The following ARHGEF4 variants were observed in gnomAD, a reference collection of about 807,000 sequenced individuals.
The protein encoded by ARHGEF4 is APC-stimulated guanine nucleotide exchange factor 1.
A neutral mutation model predicts 162.0 loss-of-function variants in ARHGEF4; 119 were observed. The ratio of observed to expected loss-of-function variants is 0.73; its 90% CI spans 0.63 to 0.86. The LOEUF is 0.86. Among genes scored for constraint, ARHGEF4 ranks in the 40% least tolerant of loss-of-function variants. The probability of loss-of-function intolerance (pLI) is 0.00; values close to 1 mark genes in which losing one functional copy is unlikely to be tolerated. For missense variants in ARHGEF4, 2,488 were observed against 2,456.0 expected, an observed-to-expected ratio of 1.01 and a Z score of -0.28; for synonymous variants, 1,014 against 979.9, an observed-to-expected ratio of 1.03 and a Z score of -0.65.
intron 4 of ARHGEF4, among the ~76,000 whole-genome samples, chr2:130,978,101 A>G (rs1685875652): frequency 6.6e-6 from 1 of 152,230 alleles, no homozygotes; most frequent in South Asian, 2.1e-4. Flanking sequence ...TCAAACAAAT[A>G]CAAGTTTCAA....
chr2:130,891,199 A>G lies in ARHGEF4; in HGVS notation c.40-22787A>G, dbSNP rs925555955. Among the ~76,000 whole-genome samples, 4 of 152,346 alleles carry G rather than the reference A, an allele frequency of 2.6e-5. No homozygotes were observed. In the East Asian group the frequency reaches 5.8e-4, roughly 22 times the overall value. On this transcript the variant is annotated intron_variant, in intron 1 of 13. Transcript: ENST00000409359. ...CTGTCTCTGATACATCCCTGTGACT[A>G]TAGTGACTAGGACAAGATTAAGCAG...
chr2:130,916,406 G>C lies in ARHGEF4; in HGVS notation c.2460G>C (p.Glu820Asp). 3.9e-6 allele frequency: 6 copies of C among 1,529,396 alleles called. No homozygotes were observed. Among genetic ancestry groups the C allele is most frequent in the Non-Finnish European group, 5.3e-6 (6 of 1,141,600 alleles). 94.7% of individuals were successfully genotyped at this position (1,529,396 alleles called of 1,614,324 possible). Reference sequence around the variant, plus strand: ...GAGGGGTCCCGGCCCCGACCACCGAGGGTCGCCGCTGGGGCTCTTCAGGCC... The same window carrying C: ...GAGGGGTCCCGGCCCCGACCACCGACGGTCGCCGCTGGGGCTCTTCAGGCC... ...SPGGVPAPTT[E>D]GRRWGSSGPE... Residue 820 changes from glutamate to aspartate, a missense_variant, in exon 2 of 14, where the codon GAG (glutamate) becomes GAC (aspartate). Glu to Asp is a conservative substitution (Grantham distance 45, BLOSUM62 2). This residue lies in a region of ARHGEF4 where 1,642 missense variants were observed against 1,481.5 expected (regional missense o/e 1.11). Transcript: ENST00000409359.
intron 4 of ARHGEF4, among the ~76,000 whole-genome samples, chr2:130,953,042 T>C (rs1411135936): frequency 5.9e-5 from 9 of 152,020 alleles, no homozygotes; most frequent in Admixed American, 5.9e-4. Context: ...CTTCACAGAA[T>C]TGGAAAAAAT....
chr2:130,964,174 C>T (rs1456227090), intron 4 of ARHGEF4: 1 of 985,158 alleles, frequency 1.0e-6, no homozygotes, highest in African/African-American at 1.7e-5. Flanking sequence ...GTGTGGCGGC[C>T]GCGGAGGCAA....
In ARHGEF4 at chr2:130,836,930, G is replaced by C. The variant is rs1248455180; in HGVS notation, c.-24G>C. On this transcript the variant is annotated 5_prime_UTR_variant, in exon 1 of 14. Coordinates refer to ENST00000409359, the MANE Select transcript of ARHGEF4 (RefSeq NM_001367493.1). ...GCGCGGCTCGTAGTGCTGCGGCCGG[G>C]CTCCGGGCGTCCCGGCGGCCACCAT... 4.1e-6 allele frequency: 5 copies of C among 1,223,912 alleles called. No individual in the cohort carries two copies. Among genetic ancestry groups the C allele is most frequent in the Non-Finnish European group, 5.1e-6 (5 of 982,896 alleles). 75.8% of individuals were successfully genotyped at this position (1,223,912 alleles called of 1,614,324 possible).
intron 5 of ARHGEF4, chr2:131,035,489 T>TGGGGGGGGGGGGGGGGG: frequency 8.8e-6 from 1 of 113,458 alleles, no homozygotes; most frequent in East Asian, 3.2e-4. Flanking sequence ...GAGTGGGGGC[T>TGGGGGGGGGGGGGGGGG]GCGGGGGCGA....
intron 3 of ARHGEF4, among the ~76,000 whole-genome samples, chr2:130,932,496 A>G (rs540607580): frequency 1.9e-4 from 29 of 152,334 alleles, no homozygotes; most frequent in Admixed American, 1.9e-3. Flanking sequence ...GGCATGAGCC[A>G]CCGCGCCTGG....
At chr2:130,953,911 T>G (rs948597862) in intron 4 of ARHGEF4, among the ~76,000 whole-genome samples, 1 of 152,180 alleles carries the variant, frequency 6.6e-6, no homozygotes, top group South Asian at 2.1e-4. Flanking sequence ...CAACAGGTGT[T>G]GGAGAGAATG....
chr2:131,039,717 CTGGTTCAG>C, intron 6 of ARHGEF4: 2 of 1,299,046 alleles, frequency 1.5e-6, no homozygotes, highest in Non-Finnish European at 1.9e-6. Flanking sequence ...GGAGCAGGCA[CTGGTTCAG>C]GAACTGCAGC....
chr2:130,900,878 A>G (rs1459834544), intron 1 of ARHGEF4, among the ~76,000 whole-genome samples: 1 of 152,174 alleles, frequency 6.6e-6, no homozygotes, highest in Admixed American at 6.5e-5. Context: ...TTTGTTGGCT[A>G]CAGTTCTAGT....
chr2:131,005,831 C>A (rs1275434792), intron 4 of ARHGEF4, among the ~76,000 whole-genome samples: 1 of 152,144 alleles, frequency 6.6e-6, no homozygotes, highest in Non-Finnish European at 1.5e-5. Context: ...AGACAGAATT[C>A]TCAGGATGCT....
chr2:130,849,855 TTACCCAGCCTAGGA>T (rs1455322021), intron 1 of ARHGEF4, among the ~76,000 whole-genome samples: 1 of 152,150 alleles, frequency 6.6e-6, no homozygotes, highest in Non-Finnish European at 1.5e-5. Flanking sequence ...TTGAGCCACC[TTACCCAGCCTAGGA>T]TACACTTTTT....
intron 1 of ARHGEF4, among the ~76,000 whole-genome samples, chr2:130,897,441 G>A (rs1025480533): frequency 3.3e-5 from 5 of 151,966 alleles, no homozygotes; most frequent in Admixed American, 6.6e-5. Context: ...GTCTGCCAGC[G>A]GTGAGCACTG....
At chr2:130,843,967 C>T (rs1199422964) in intron 1 of ARHGEF4, among the ~76,000 whole-genome samples, 1 of 152,150 alleles carries the variant, frequency 6.6e-6, no homozygotes, top group Non-Finnish European at 1.5e-5. Context: ...GCACAGCCTG[C>T]CCCACCTCTG....
At chr2:130,875,409 T>C (rs555157546) in intron 1 of ARHGEF4, among the ~76,000 whole-genome samples, 5 of 152,306 alleles carry the variant, frequency 3.3e-5, no homozygotes, top group Admixed American at 6.5e-5. Context: ...TTTTGGTTGA[T>C]GGTTCTGGAG....
At chr2:131,001,362 G>A (rs1687758681) in intron 4 of ARHGEF4, among the ~76,000 whole-genome samples, 1 of 150,000 alleles carries the variant, frequency 6.7e-6, no homozygotes, top group African/African-American at 2.5e-5. Context: ...CGGGAAGACG[G>A]ATAACATAAC....
intron 4 of ARHGEF4, among the ~76,000 whole-genome samples, chr2:130,985,951 T>C (rs4557027): frequency 0.9 from 136,285 of 150,874 alleles, 62,056 homozygotes; most frequent in Non-Finnish European, 0.98. Context: ...TTGAGTGTTG[T>C]GTGTGTGTGG....
At position 130,914,412 on chromosome 2, in the gene ARHGEF4, C is replaced by A; in HGVS notation, c.466C>A (p.Gln156Lys). Residue 156 changes from glutamine (Q) to lysine (K), a missense_variant, in exon 2 of 14, where the codon CAG becomes AAG. Gln to Lys is a moderately conservative substitution (Grantham distance 53, BLOSUM62 1). This residue lies in a region of ARHGEF4 where 81 missense variants were observed against 125.8 expected (regional missense o/e 0.64). Coordinates refer to ENST00000409359, the MANE Select transcript of ARHGEF4 (RefSeq NM_001367493.1). ...AGCCTTTGCCACAGTTGCTGGAGAA[C>A]AGGAGGCAGGACACCTCTGGGACTG... is the stretch of plus-strand genomic sequence containing the variant. Reference protein sequence around the residue: ...WRAFATVAGEQEAGHLWDCAT... With the variant: ...WRAFATVAGEKEAGHLWDCAT... 1 of 1,443,102 alleles carries A rather than the reference C, an allele frequency of 6.9e-7. No individual in the cohort carries two copies. Among genetic ancestry groups the A allele is most frequent in the East Asian group, 2.5e-5 (1 of 40,218 alleles). The allele number at this position is 1,443,102 out of a possible 1,614,324, so 89.4% of individuals were successfully genotyped here.
rs531367573 is a variant in ARHGEF4 at position 130,987,642 on chromosome 2, C to T, written c.3986-40303C>T. On this transcript the variant is annotated intron_variant, in intron 4 of 13. Coordinates refer to ENST00000409359, the MANE Select transcript of ARHGEF4 (RefSeq NM_001367493.1). ...GCACTGATTAGTGCATTTTACAATCCTCTTGTAAGACAGGAAAGTTCCCCA... is the reference window on the plus strand; with the variant it reads ...GCACTGATTAGTGCATTTTACAATCTTCTTGTAAGACAGGAAAGTTCCCCA... Among the ~76,000 whole-genome samples, 677 of 152,246 alleles carry T rather than the reference C, an allele frequency of 4.4e-3. 1 individual carries two copies. The highest frequency in any genetic ancestry group is 8.3e-3 in the Non-Finnish European group (567 of 68,022).
Sources: allele counts gnomAD v4.1 joint callset (sites outside exome capture counted in the v4.1 genomes callset), GRCh38; gene constraint gnomAD v4.1.1; regional missense constraint gnomAD v4.1.1; transcripts MANE v1.5; gene names NCBI Gene and HGNC (gene_info 2026-07-23, HGNC 2026-07-21).